Variants in LMF1 observed in about 807,000 individuals in gnomAD.
The protein encoded by LMF1 is transmembrane protein 112.
In LMF1, 68 loss-of-function variants were observed where a neutral mutation model predicts 60.6. The ratio of observed to expected loss-of-function variants is 1.12; its 90% CI spans 0.92 to 1.37. The LOEUF (loss-of-function observed/expected upper bound fraction) is 1.37. LMF1 is among the 40% of genes most tolerant of loss of function. LMF1 has a pLI of 0.00. For missense variants in LMF1, 948 were observed against 767.2 expected, an observed-to-expected ratio of 1.24 and a Z score of -2.78; for synonymous variants, 418 against 324.7, an observed-to-expected ratio of 1.29 and a Z score of -3.09.
In LMF1 at chr16:915,369, C is replaced by T. The variant is rs561059223; in HGVS notation, c.515-4290G>A. On this transcript the variant is annotated intron_variant, in intron 3 of 10. Coordinates refer to ENST00000262301, the MANE Select transcript of LMF1 (RefSeq NM_022773.4). ...TCACAACGGCCGGGGTCCCTCACTC[C>T]GCAGCCAAGCTCCTAGGCACCTGCT... 9.2e-4 allele frequency among the ~76,000 whole-genome samples: 140 copies of T among 152,312 alleles called. 1 individual carries two copies. The highest frequency in any genetic ancestry group is 1.1e-3 in the Non-Finnish European group (73 of 68,036).
intron 2 of LMF1, among the ~76,000 whole-genome samples, chr16:948,741 G>GCCA (rs71142714): frequency 0.077 from 4,300 of 55,868 alleles, 16 homozygotes; most frequent in African/African-American, 0.2. Context: ...CAGAGTCAGA[G>GCCA]ACGACAGAGT....
At chr16:891,207 C>T (rs921196272) in intron 5 of LMF1, among the ~76,000 whole-genome samples, 22 of 152,328 alleles carry the variant, frequency 1.4e-4, no homozygotes, top group Middle Eastern at 3.4e-3. Flanking sequence ...CCTGCGTCCT[C>T]GCCGGAGTGC....
intron 9 of LMF1, chr16:869,496 AT>A (rs1442867130): frequency 1.8e-6 from 1 of 548,254 alleles, no homozygotes; most frequent in African/African-American, 1.9e-5. Flanking sequence ...CAACGCTGCC[AT>A]CATTTGAGGC....
intron 5 of LMF1, among the ~76,000 whole-genome samples, chr16:891,711 G>A (rs868793002): frequency 6.6e-6 from 1 of 152,198 alleles, no homozygotes; most frequent in African/African-American, 2.4e-5. Context: ...CCTGTCCTGA[G>A]GGCATCTGGA....
At chr16:936,463 C>G in intron 2 of LMF1, among the ~76,000 whole-genome samples, 1 of 125,870 alleles carries the variant, frequency 7.9e-6, no homozygotes, top group Non-Finnish European at 1.6e-5. Flanking sequence ...GGGAGGGCAC[C>G]CCGTGGGCTG....
chr16:943,771 C>T (rs945595388), intron 2 of LMF1, among the ~76,000 whole-genome samples: 1 of 149,242 alleles, frequency 6.7e-6, no homozygotes, highest in African/African-American at 2.5e-5. Flanking sequence ...TCCCTTGAGT[C>T]CTGGTGTGTA....
rs148012631 is a variant in LMF1, at chr16:978,843, C to A, written c.-135+2302G>T. ...GGTGGCTCTGATGGCTGCCCCTCCA[C>A]TCTCCACCCCCGGGTCCATCTCTTG... On this transcript the variant is annotated intron_variant, in intron 1 of 6. Coordinates refer to the LMF1 transcript ENST00000570014. 3.2e-3 allele frequency among the ~76,000 whole-genome samples: 485 copies of A among 152,264 alleles called. 2 individuals are homozygous for A. Among genetic ancestry groups the A allele is most frequent in the Non-Finnish European group, 6.3e-3 (430 of 68,002 alleles).
chr16:926,505 C>T (rs749468243), intron 3 of LMF1, among the ~76,000 whole-genome samples: 2 of 152,246 alleles, frequency 1.3e-5, no homozygotes, highest in Non-Finnish European at 2.9e-5. Context: ...TGTGTTTGCA[C>T]GTCTGTGTTT....
intron 3 of LMF1, among the ~76,000 whole-genome samples, chr16:918,867 GC>G (rs1433248848): frequency 6.7e-6 from 1 of 148,554 alleles, no homozygotes; most frequent in African/African-American, 2.4e-5. Context: ...CTCACGTGGG[GC>G]CAGTGCCCTG....
chr16:872,020 T>C (rs1279911459), intron 6 of LMF1: 1 of 152,138 alleles, frequency 6.6e-6, no homozygotes, highest in Non-Finnish European at 1.5e-5. Flanking sequence ...CTTCTGGACA[T>C]CCCCGCAGGC....
chr16:975,278 G>A (rs76912374), upstream of LMF1, among the ~76,000 whole-genome samples: 1 of 152,168 alleles, frequency 6.6e-6, no homozygotes, highest in Non-Finnish European at 1.5e-5. Flanking sequence ...CAATGTGGTG[G>A]TGTTCTCCGG....
intron 2 of LMF1, among the ~76,000 whole-genome samples, chr16:939,671 A>C (rs1477572465): frequency 6.6e-6 from 1 of 152,250 alleles, no homozygotes; most frequent in East Asian, 1.9e-4. Context: ...ATGCTGACCA[A>C]AGCTGCTGTA....
intron 2 of LMF1, among the ~76,000 whole-genome samples, chr16:946,920 A>G (rs906538292): frequency 2.6e-5 from 4 of 152,234 alleles, no homozygotes; most frequent in East Asian, 3.9e-4. Context: ...ACAGGCTCCC[A>G]TATGAGAGAC....
intron 4 of LMF1, among the ~76,000 whole-genome samples, chr16:905,602 A>C (rs1312172878): frequency 6.6e-6 from 1 of 152,202 alleles, no homozygotes; most frequent in Non-Finnish European, 1.5e-5. Flanking sequence ...CCCTCTTTAA[A>C]AAATCAAATT....
At position 917,248 on chromosome 16, in the gene LMF1, G is replaced by C. The variant is rs1264967202; in HGVS notation, c.515-6169C>G. The stretch of plus-strand genomic sequence containing the variant: ...CACAGCCATGGTGTGGCCACGCAGA[G>C]CACATGCTGCGCAGGCCCACGTGAA... On this transcript the variant is annotated intron_variant, in intron 3 of 10. Coordinates refer to ENST00000262301, the MANE Select transcript of LMF1 (RefSeq NM_022773.4). 5.9e-5 allele frequency among the ~76,000 whole-genome samples: 9 copies of C among 152,192 alleles called. 1 individual carries two copies. Among genetic ancestry groups the C allele is most frequent in the Non-Finnish European group, 1.3e-4 (9 of 68,044 alleles).
Position 871,317 on chromosome 16 carries a change from G to C in LMF1, c.922C>G (p.Leu308Val). ...ATAGTCAGCCAGTTCAGGAAGCTGA[G>C]GTTCCCGCTGACGATGAGGACGGCC... ...FQAVLIVSGN[L>V]SFLNWLTMVP... Residue 308 changes from leucine to valine, a missense_variant, in exon 7 of 11, where the codon CTC (leucine) becomes GTC (valine). By Grantham distance (32) the Leu-to-Val change is conservative. Transcript: ENST00000262301. 1 of 1,612,480 alleles carries C rather than the reference G, an allele frequency of 6.2e-7. No individual in the cohort carries two copies. Among genetic ancestry groups the C allele is most frequent in the Non-Finnish European group, 8.5e-7 (1 of 1,179,814 alleles).
chr16:888,543 G>C (rs568360149), intron 5 of LMF1, among the ~76,000 whole-genome samples: 1 of 152,334 alleles, frequency 6.6e-6, no homozygotes, highest in East Asian at 1.9e-4. Context: ...TCAGCAGCTA[G>C]TGCCATCCCT....
intron 3 of LMF1, among the ~76,000 whole-genome samples, chr16:918,756 T>C (rs1459622141): frequency 1.0e-5 from 1 of 96,366 alleles, no homozygotes; most frequent in Non-Finnish European, 2.1e-5. Flanking sequence ...CATTTAACTT[T>C]GGTTCACTTG....
intron 2 of LMF1, among the ~76,000 whole-genome samples, chr16:945,505 G>A (rs144634750): frequency 6.8e-6 from 1 of 146,902 alleles, no homozygotes; most frequent in African/African-American, 2.6e-5. Context: ...CAGTCTGGGT[G>A]ACAGAGCAAG....
Sources: gnomAD v4.1 joint callset for allele counts (sites outside exome capture counted in the v4.1 genomes callset) on GRCh38, gnomAD v4.1.1 for gene constraint, MANE v1.5 for transcripts, NCBI Gene and HGNC (gene_info 2026-07-23, HGNC 2026-07-21) for gene names.